FAM167A: variants seen among roughly 807,000 people sequenced by gnomAD.
The protein encoded by FAM167A is family with sequence similarity 167 member A.
A neutral mutation model predicts 14.9 loss-of-function variants in FAM167A; 23 were observed. That is an observed-to-expected ratio of 1.55 (90% CI 1.11 to 2.19). The LOEUF is 2.19. Among genes scored for constraint, FAM167A ranks in the 30% most tolerant of loss-of-function variants. The pLI is 0.00. For missense variants in FAM167A, 401 were observed against 281.5 expected (o/e 1.42, Z -3.04); for synonymous variants, 174 against 117.7 (o/e 1.48, Z -3.10).
At chr8:11,453,246 T>A (rs1254611368) in intron 1 of FAM167A, among the ~76,000 whole-genome samples, 1 of 152,214 alleles carries the variant, frequency 6.6e-6, no homozygotes, top group Non-Finnish European at 1.5e-5. Context: ...CAATCACAGC[T>A]CACTGCAGCC....
At chr8:11,473,187 G>A (rs1183449855) in intron 1 of FAM167A, among the ~76,000 whole-genome samples, 3 of 152,220 alleles carry the variant, frequency 2.0e-5, no homozygotes, top group Non-Finnish European at 2.9e-5. Context: ...CAGTGATGCA[G>A]GAGCGAGGAC....
At chr8:11,449,356 G>C (rs930020322) in intron 1 of FAM167A, among the ~76,000 whole-genome samples, 1 of 152,220 alleles carries the variant, frequency 6.6e-6, no homozygotes, top group Non-Finnish European at 1.5e-5. Context: ...CGGCAGAGAG[G>C]TGCTGGCCGG....
rs373205406 is a variant in FAM167A, at chr8:11,444,458, C to G, written c.-47G>C. On this transcript the variant is annotated 5_prime_UTR_variant, in exon 2 of 3. Coordinates refer to ENST00000284486, the MANE Select transcript of FAM167A (RefSeq NM_053279.3). Reference sequence around the variant, plus strand: ...CGGACATGCGAGGGCACGGGGGGCGCAGGGGGAGGCTTGGTGGGTGGCACA... The same window carrying G: ...CGGACATGCGAGGGCACGGGGGGCGGAGGGGGAGGCTTGGTGGGTGGCACA... 6.6e-7 allele frequency: 1 copy of G among 1,506,934 alleles called. No individual in the cohort carries two copies. Among genetic ancestry groups the G allele is most frequent in the African/African-American group, 1.4e-5 (1 of 71,388 alleles). 93.3% of individuals were successfully genotyped at this position (1,506,934 alleles called of 1,614,324 possible). A position where few individuals can be genotyped will look rare whatever the true frequency, so the allele number is the denominator to read the frequency against.
intron 2 of FAM167A, among the ~76,000 whole-genome samples, chr8:11,439,194 G>A (rs919152239): frequency 1.1e-4 from 16 of 152,234 alleles, no homozygotes; most frequent in African/African-American, 3.9e-4. Context: ...CTGAGCCTCA[G>A]TCTTCTCCTC....
intron 2 of FAM167A, among the ~76,000 whole-genome samples, chr8:11,437,089 T>TA (rs1806071225): frequency 6.6e-6 from 1 of 152,188 alleles, no homozygotes; most frequent in Non-Finnish European, 1.5e-5. Context: ...GTACCTGTCT[T>TA]CTTGGGAAGA....
intron 1 of FAM167A, among the ~76,000 whole-genome samples, chr8:11,455,738 G>T (rs1339254953): frequency 6.6e-6 from 1 of 150,450 alleles, no homozygotes; most frequent in Non-Finnish European, 1.5e-5. Flanking sequence ...TGTCGGGGGT[G>T]GTTGCCTTGC....
rs147319341 is a variant in FAM167A, at chr8:11,444,224, G to A, written c.188C>T (p.Pro63Leu). Residue 63 changes from proline to leucine, a missense_variant, in exon 2 of 3, where the codon CCG (proline) becomes CTG (leucine). Pro to Leu is a moderately conservative substitution (Grantham distance 98). Transcript: ENST00000284486. Reference sequence around the variant, plus strand: ...CAAGCTCGCCTGTGGCTCCGCAGCCGGCCTCGGGAAGGGCCAGGTATGCTC... The same window carrying A: ...CAAGCTCGCCTGTGGCTCCGCAGCCAGCCTCGGGAAGGGCCAGGTATGCTC... ...LEEHTWPFPR[P>L]AAEPQASLEE... 49,161 of 1,612,176 alleles carry A rather than the reference G, an allele frequency of 0.03. 933 individuals carry two copies. Among genetic ancestry groups the A allele is most frequent in the South Asian group, 0.065 (5,925 of 91,042 alleles).
Position 11,449,345 on chromosome 8 carries a change from C to A in FAM167A, c.-397-4537G>T, listed in dbSNP as rs138867951. ...GGCACTGAGCTGGACCCGGCCTGAG[C>A]CGGCAGAGAGGTGCTGGCCGGGTGC... On this transcript the variant is annotated intron_variant, in intron 1 of 2. Transcript: ENST00000284486. Among the ~76,000 whole-genome samples the A allele has an allele frequency of 9.5e-4, 144 of 152,320 alleles. 1 individual carries two copies. Among genetic ancestry groups the A allele is most frequent in the Non-Finnish European group, 1.6e-3 (110 of 68,026 alleles).
At chr8:11,445,950 T>C (rs931750425) in intron 1 of FAM167A, among the ~76,000 whole-genome samples, 7 of 139,844 alleles carry the variant, frequency 5.0e-5, no homozygotes, top group African/African-American at 1.6e-4. Flanking sequence ...AGGCCACCCT[T>C]GGGGTGAAAA....
chr8:11,427,598 A>G (rs1196486476), intron 2 of FAM167A, among the ~76,000 whole-genome samples: 1 of 152,234 alleles, frequency 6.6e-6, no homozygotes, highest in Non-Finnish European at 1.5e-5. Flanking sequence ...TTTATAATAG[A>G]GCACATTGCA....
chr8:11,465,939 C>A (rs1451419992), intron 1 of FAM167A, among the ~76,000 whole-genome samples: 1 of 152,204 alleles, frequency 6.6e-6, no homozygotes, highest in African/African-American at 2.4e-5. Flanking sequence ...CTCCAAGCCC[C>A]GCCGGGAATA....
At chr8:11,474,577 A>G (rs1250065661) in intron 1 of FAM167A, 3 of 152,250 alleles carry the variant, frequency 2.0e-5, no homozygotes, top group Non-Finnish European at 4.4e-5. Context: ...AAGAAGAGAA[A>G]AATCAATACA....
chr8:11,423,602 C>G lies in FAM167A; in HGVS notation c.*771G>C, dbSNP rs1804918066. 6.6e-6 allele frequency: 1 copy of G among 152,276 alleles called. No homozygotes were observed. Among genetic ancestry groups the G allele is most frequent in the South Asian group, 2.1e-4 (1 of 4,828 alleles). 9.4% of individuals were successfully genotyped at this position (152,276 alleles called of 1,614,324 possible). On this transcript the variant is annotated 3_prime_UTR_variant, in exon 3 of 3. Transcript: ENST00000284486. ...CCTGGTTCAGTCACCAGTGGTCTCC[C>G]AGGCTGTCACCCTGGGGTGTGGGTG... is the stretch of plus-strand genomic sequence containing the variant.
upstream of FAM167A, among the ~76,000 whole-genome samples, chr8:11,467,791 C>G (rs1807831734): frequency 6.6e-6 from 1 of 152,248 alleles, no homozygotes; most frequent in Non-Finnish European, 1.5e-5. Context: ...AACTCCGCAT[C>G]CAGCCCTGAC....
chr8:11,473,359 G>A (rs549910439), intron 1 of FAM167A, among the ~76,000 whole-genome samples: 5 of 152,298 alleles, frequency 3.3e-5, no homozygotes, highest in East Asian at 1.9e-4. Context: ...AGGCTTTGGA[G>A]GCAGGAGTGA....
At chr8:11,454,548 C>T (rs1807154234) in intron 1 of FAM167A, among the ~76,000 whole-genome samples, 1 of 152,218 alleles carries the variant, frequency 6.6e-6, no homozygotes, top group African/African-American at 2.4e-5. Context: ...GTGAGGCCAG[C>T]CCCACAGCCA....
intron 2 of FAM167A, among the ~76,000 whole-genome samples, chr8:11,426,841 G>T (rs998742060): frequency 1.3e-5 from 2 of 152,160 alleles, no homozygotes; most frequent in Non-Finnish European, 2.9e-5. Context: ...CACTGAATCT[G>T]CATTTTTATA....
rs149357201 is a variant in FAM167A at position 11,458,785 on chromosome 8, GA to G, written c.-398+7840del. 1.7e-3 allele frequency among the ~76,000 whole-genome samples: 249 copies of G among 147,808 alleles called. 1 individual carries two copies. Among genetic ancestry groups the G allele is most frequent in the African/African-American group, 4.7e-3 (188 of 40,420 alleles). On this transcript the variant is annotated intron_variant, in intron 1 of 2. Transcript: ENST00000284486. ...AAGCCTGAGGTAAGGCGAACTAAGG[GA>G]AAAAAAAAACAGAAAGAGAGAGAAA...
chr8:11,458,033 G>C (rs1305012801), intron 1 of FAM167A, among the ~76,000 whole-genome samples: 2 of 151,950 alleles, frequency 1.3e-5, no homozygotes, highest in Admixed American at 6.6e-5. Context: ...TGAAGTCAGC[G>C]AACAAAGTCC....
Sources: gnomAD v4.1 joint callset for allele counts (sites outside exome capture counted in the v4.1 genomes callset) on GRCh38, gnomAD v4.1.1 for gene constraint, MANE v1.5 for transcripts, NCBI Gene and HGNC (gene_info 2026-07-23, HGNC 2026-07-21) for gene names.